The following FMNL2 variants were observed in gnomAD, a reference collection of about 807,000 sequenced individuals.
FMNL2 encodes formin like 2, also known as formin-like protein 2.
A neutral mutation model predicts 130.2 loss-of-function variants in FMNL2; 51 were observed. That is an observed-to-expected ratio of 0.39 (90% CI 0.31 to 0.49). The LOEUF (loss-of-function observed/expected upper bound fraction) is 0.49, where lower values mean the gene tolerates loss of function less well. FMNL2 is among the 20% of genes least tolerant of loss of function. The pLI, the probability that FMNL2 is intolerant of heterozygous loss-of-function variation, is 0.85. For synonymous variants in FMNL2, 465 were observed against 467.1 expected, an observed-to-expected ratio of 1.00 and a Z score of 0.06; for missense variants, 977 against 1,316.2, an observed-to-expected ratio of 0.74 and a Z score of 3.99.
At chr2:152,454,116 A>C (rs1021312982) in intron 1 of FMNL2, among the ~76,000 whole-genome samples, 3 of 149,630 alleles carry the variant, frequency 2.0e-5, no homozygotes. Context: ...TCTGCTAAAA[A>C]TACAAAAAAA....
intron 1 of FMNL2, among the ~76,000 whole-genome samples, chr2:152,371,212 A>G (rs542571917): frequency 2.6e-5 from 4 of 152,292 alleles, no homozygotes; most frequent in East Asian, 1.9e-4. Context: ...AGTCAGCCCT[A>G]TTTATCATGG....
chr2:152,596,169 G>T (rs370307219), intron 9 of FMNL2, among the ~76,000 whole-genome samples: 1 of 151,466 alleles, frequency 6.6e-6, no homozygotes, highest in Non-Finnish European at 1.5e-5. Flanking sequence ...TGCCATATTG[G>T]CCAGGCTGGT....
intron 2 of FMNL2, among the ~76,000 whole-genome samples, chr2:152,539,774 G>GA (rs1173847087): frequency 6.6e-5 from 10 of 152,036 alleles, no homozygotes; most frequent in Non-Finnish European, 8.8e-5. Context: ...AATAGGAAAT[G>GA]AAAAAAAGCT....
chr2:152,451,522 T>TA (rs1316161777), intron 1 of FMNL2, among the ~76,000 whole-genome samples: 1 of 152,128 alleles, frequency 6.6e-6, no homozygotes, highest in Non-Finnish European at 1.5e-5. Context: ...CCAGTGTTTT[T>TA]ATGCATACTA....
At chr2:152,387,846 G>A (rs1195445728) in intron 1 of FMNL2, among the ~76,000 whole-genome samples, 2 of 150,116 alleles carry the variant, frequency 1.3e-5, no homozygotes, top group East Asian at 3.9e-4. Flanking sequence ...TAGAGGTGGT[G>A]TCTCACTATG....
chr2:152,573,079 T>C (rs1006747137), intron 6 of FMNL2, among the ~76,000 whole-genome samples: 3 of 152,196 alleles, frequency 2.0e-5, no homozygotes, highest in Admixed American at 1.3e-4. Context: ...TTCTAAAATA[T>C]AGAGCAAAAT....
chr2:152,375,047 A>G (rs1401714393), intron 1 of FMNL2, among the ~76,000 whole-genome samples: 1 of 152,220 alleles, frequency 6.6e-6, no homozygotes, highest in Admixed American at 6.5e-5. Context: ...TTGTTACTAC[A>G]GTTTTTCACA....
intron 1 of FMNL2, among the ~76,000 whole-genome samples, chr2:152,377,639 C>T (rs554124578): frequency 6.6e-6 from 1 of 152,232 alleles, no homozygotes. Context: ...ACAGAAAGTT[C>T]CATTGTACAG....
At chr2:152,381,059 G>A (rs893105816) in intron 1 of FMNL2, among the ~76,000 whole-genome samples, 6 of 152,176 alleles carry the variant, frequency 3.9e-5, no homozygotes, top group African/African-American at 1.4e-4. Context: ...TTCAAATGAT[G>A]TAAAAGAAGC....
chr2:152,506,158 T>C (rs1252630954), intron 1 of FMNL2, among the ~76,000 whole-genome samples: 1 of 152,200 alleles, frequency 6.6e-6, no homozygotes, highest in Admixed American at 6.5e-5. Context: ...TGATAAAAAT[T>C]TCTTTAGTTG....
chr2:152,362,677 T>C (rs535094004), intron 1 of FMNL2, among the ~76,000 whole-genome samples: 1 of 152,282 alleles, frequency 6.6e-6, no homozygotes, highest in African/African-American at 2.4e-5. Flanking sequence ...CATTGATTAT[T>C]GATTAATGGT....
At chr2:152,511,591 T>C (rs1311493659) in intron 1 of FMNL2, among the ~76,000 whole-genome samples, 3 of 152,208 alleles carry the variant, frequency 2.0e-5, no homozygotes, top group Admixed American at 6.5e-5. Flanking sequence ...TTGAACTCTT[T>C]TCCTCCTTTG....
At position 152,485,546 on chromosome 2, in the gene FMNL2, A is replaced by G. The variant is rs575484255; in HGVS notation, c.118-36397A>G. Among the ~76,000 whole-genome samples, 3 of 150,920 alleles carry G rather than the reference A, an allele frequency of 2.0e-5. No individual in the cohort carries two copies. In the South Asian group the frequency reaches 6.2e-4, roughly 31 times the overall value. On this transcript the variant is annotated intron_variant, in intron 1 of 25. Transcript: ENST00000288670. ...GACAGAGTAAGACTCTCTGCCTGTC[A>G]TAGATAGATAGATAGATATAGTTTT...
intron 1 of FMNL2, chr2:152,390,038 C>T: frequency 6.3e-7 from 1 of 1,578,798 alleles, no homozygotes; most frequent in Non-Finnish European, 8.7e-7. Flanking sequence ...ATCATGAGGC[C>T]CAGCTCAAGA....
intron 1 of FMNL2, among the ~76,000 whole-genome samples, chr2:152,352,345 T>A (rs1290975734): frequency 6.6e-6 from 1 of 152,190 alleles, no homozygotes; most frequent in Non-Finnish European, 1.5e-5. Flanking sequence ...GTCTCATATA[T>A]GAGAAACTCA....
chr2:152,535,019 C>T (rs967269609), intron 2 of FMNL2, among the ~76,000 whole-genome samples: 7 of 152,120 alleles, frequency 4.6e-5, no homozygotes. Context: ...TCCAGTCTAG[C>T]GCAGAAATGG....
chr2:152,584,400 G>A (rs1179978731), intron 9 of FMNL2, among the ~76,000 whole-genome samples: 1 of 152,158 alleles, frequency 6.6e-6, no homozygotes, highest in Non-Finnish European at 1.5e-5. Flanking sequence ...AGTAAGTTGG[G>A]ATTCCATTCA....
intron 2 of FMNL2, among the ~76,000 whole-genome samples, chr2:152,526,478 G>A (rs1693392758): frequency 6.6e-6 from 1 of 152,032 alleles, no homozygotes; most frequent in Non-Finnish European, 1.5e-5. Context: ...ATTTAGCTAT[G>A]CTCACTCCTT....
At chr2:152,616,322 T>C (rs1334601433) in intron 12 of FMNL2, among the ~76,000 whole-genome samples, 1 of 145,326 alleles carries the variant, frequency 6.9e-6, no homozygotes, top group African/African-American at 2.6e-5. Context: ...TTATTATTTT[T>C]GTGGGTTTTT....
Sources: gnomAD v4.1 joint callset for allele counts (sites outside exome capture counted in the v4.1 genomes callset) on GRCh38, gnomAD v4.1.1 for gene constraint, MANE v1.5 for transcripts, NCBI Gene and HGNC (gene_info 2026-07-23, HGNC 2026-07-21) for gene names.